Variants in SLC27A6 observed in about 807,000 individuals in gnomAD.
The protein encoded by SLC27A6 is long-chain fatty acid transport protein 6.
In SLC27A6, 74 loss-of-function variants were observed where a neutral mutation model predicts 63.9. The observed-to-expected ratio is 1.16, with a 90% CI of 0.96 to 1.40. The LOEUF is 1.40. SLC27A6 is among the 40% of genes most tolerant of loss of function. SLC27A6 has a pLI of 0.00. For synonymous variants in SLC27A6, 287 were observed against 260.8 expected, an observed-to-expected ratio of 1.10 and a Z score of -0.97; for missense variants, 794 against 732.9, an observed-to-expected ratio of 1.08 and a Z score of -0.96.
At chr5:129,005,334 T>G (rs1398110572) in intron 4 of SLC27A6, among the ~76,000 whole-genome samples, 1 of 152,214 alleles carries the variant, frequency 6.6e-6, no homozygotes, top group Non-Finnish European at 1.5e-5. Flanking sequence ...CACATGGGAA[T>G]CTGGATAAGG....
rs755051870 is a variant in SLC27A6, at chr5:129,016,069, T to G, written c.1154T>G (p.Leu385Trp). The part of the protein sequence containing the change: ...GRIGAIGRTN[L>W]FYKLLSTFDL... The stretch of plus-strand genomic sequence containing the variant: ...ATTGGAGCAATTGGGAGAACAAATT[T>G]GTTTTACAAAGTAAGTACAGCATTT... Residue 385 changes from leucine to tryptophan, a missense_variant, in exon 5 of 10, where the codon TTG becomes TGG. Physicochemically the swap from Leu to Trp is moderately conservative, Grantham distance 61. Transcript: ENST00000262462. 9 of 1,591,150 alleles carry G rather than the reference T, an allele frequency of 5.7e-6. No homozygotes were observed. In the South Asian group the frequency reaches 1.0e-4, roughly 18 times the overall value.
At chr5:128,992,370 CAATT>C (rs2150137674) in intron 4 of SLC27A6, among the ~76,000 whole-genome samples, 1 of 152,218 alleles carries the variant, frequency 6.6e-6, no homozygotes, top group Admixed American at 6.5e-5. Flanking sequence ...TGTAATTTTT[CAATT>C]AATTACCCAG....
intron 4 of SLC27A6, among the ~76,000 whole-genome samples, chr5:129,007,979 T>C (rs1751599835): frequency 6.6e-6 from 1 of 152,086 alleles, no homozygotes; most frequent in Admixed American, 6.5e-5. Flanking sequence ...TAAATTAGAA[T>C]ATATGGCCAT....
At chr5:129,016,199 T>C (rs1485625582) in intron 5 of SLC27A6, 120 bp downstream of exon 5, 2 of 645,604 alleles carry the variant, frequency 3.1e-6, no homozygotes, top group Admixed American at 3.0e-5. Flanking sequence ...GAGACCATCC[T>C]GGCCAACACA....
chr5:128,978,673 G>T (rs1750474349), intron 1 of SLC27A6, among the ~76,000 whole-genome samples: 2 of 152,050 alleles, frequency 1.3e-5, no homozygotes, highest in African/African-American at 4.8e-5. Flanking sequence ...TTTCTAAAAT[G>T]TACCAAAACA....
intron 7 of SLC27A6, among the ~76,000 whole-genome samples, chr5:129,027,634 G>T (rs1183425): frequency 0.26 from 39,312 of 151,822 alleles, 5,959 homozygotes; most frequent in Middle Eastern, 0.36. Context: ...CAGAAAGCCA[G>T]TTTGGTCAAC....
intron 6 of SLC27A6, among the ~76,000 whole-genome samples, chr5:129,025,669 G>T (rs1314088213): frequency 2.0e-5 from 3 of 152,070 alleles, no homozygotes; most frequent in African/African-American, 7.2e-5. Flanking sequence ...GATAATGATG[G>T]TGATGATGAT....
intron 4 of SLC27A6, among the ~76,000 whole-genome samples, chr5:129,002,182 A>G (rs1247230414): frequency 6.6e-6 from 1 of 152,260 alleles, no homozygotes; most frequent in Non-Finnish European, 1.5e-5. Flanking sequence ...AGGAATTTTA[A>G]GTAGTTAACG....
intron 4 of SLC27A6, among the ~76,000 whole-genome samples, chr5:129,000,448 T>C (rs1751296127): frequency 6.6e-6 from 1 of 152,182 alleles, no homozygotes; most frequent in Non-Finnish European, 1.5e-5. Flanking sequence ...GTTGCTGGGA[T>C]ACTTGTGTGC....
chr5:129,003,018 A>C (rs1458020923), intron 4 of SLC27A6, among the ~76,000 whole-genome samples: 1 of 151,846 alleles, frequency 6.6e-6, no homozygotes, highest in Non-Finnish European at 1.5e-5. Context: ...GAGTCTTCTT[A>C]TTTGTGTGCT....
Position 129,029,566 on chromosome 5 carries a change from CT to C in SLC27A6, c.1553-4del, listed in dbSNP as rs758428520. On this transcript the variant is annotated splice_polypyrimidine_tract_variant and intron_variant, in intron 8 of 9. Coordinates refer to ENST00000262462, the MANE Select transcript of SLC27A6 (RefSeq NM_001017372.3). ...TACTTAAAAATGACTCTATTTCAAA[CT>C]TTTTTTCAGGTTATGAAGGAAGAGC... The C allele has an allele frequency of 1.9e-6, 3 of 1,549,472 alleles. No homozygotes were observed. Among genetic ancestry groups the C allele is most frequent in the South Asian group, 1.2e-5 (1 of 83,036 alleles).
At chr5:128,972,670 A>T (rs1202395650) in intron 1 of SLC27A6, among the ~76,000 whole-genome samples, 1 of 152,138 alleles carries the variant, frequency 6.6e-6, no homozygotes, top group Admixed American at 6.5e-5. Flanking sequence ...CATTCATCTA[A>T]TCTTTTTTCA....
chr5:129,025,989 A>T (rs1752231669), intron 6 of SLC27A6, among the ~76,000 whole-genome samples: 1 of 152,154 alleles, frequency 6.6e-6, no homozygotes, highest in Non-Finnish European at 1.5e-5. Flanking sequence ...TTACAAAATT[A>T]GCTGGGCCTA....
At chr5:129,017,781 A>C (rs1037963707) in intron 5 of SLC27A6, among the ~76,000 whole-genome samples, 2 of 152,144 alleles carry the variant, frequency 1.3e-5, no homozygotes, top group African/African-American at 4.8e-5. Context: ...GAAATGTACA[A>C]CTTACTAGTA....
chr5:128,994,692 T>C (rs1751095338), intron 4 of SLC27A6, among the ~76,000 whole-genome samples: 1 of 152,190 alleles, frequency 6.6e-6, no homozygotes, highest in Non-Finnish European at 1.5e-5. Context: ...CATGTGGTTT[T>C]AAAATAGATT....
chr5:128,968,921 A>C (rs1750024223), intron 1 of SLC27A6, among the ~76,000 whole-genome samples: 1 of 152,198 alleles, frequency 6.6e-6, no homozygotes, highest in African/African-American at 2.4e-5. Flanking sequence ...TCTTTAATCC[A>C]TCTTGAATTA....
At chr5:128,967,190 T>C (rs1466067675) in intron 1 of SLC27A6, among the ~76,000 whole-genome samples, 1 of 151,566 alleles carries the variant, frequency 6.6e-6, no homozygotes, top group Non-Finnish European at 1.5e-5. Context: ...CTTCTTCTTA[T>C]CCTTCCATGC....
chr5:129,021,559 T>C (rs981474715), intron 5 of SLC27A6, among the ~76,000 whole-genome samples: 1 of 152,226 alleles, frequency 6.6e-6, no homozygotes, highest in East Asian at 1.9e-4. Context: ...TGGGACCCCA[T>C]GTTTTGAATG....
intron 1 of SLC27A6, among the ~76,000 whole-genome samples, chr5:128,972,363 A>G (rs963091677): frequency 1.3e-5 from 2 of 152,186 alleles, no homozygotes; most frequent in Non-Finnish European, 2.9e-5. Context: ...GTGTTTTCCA[A>G]CTTGGTTCCA....
Sources: gnomAD v4.1 joint callset for allele counts (sites outside exome capture counted in the v4.1 genomes callset) on GRCh38, gnomAD v4.1.1 for gene constraint, MANE v1.5 for transcripts, NCBI Gene and HGNC (gene_info 2026-07-23, HGNC 2026-07-21) for gene names.